BCORL1: variants seen among roughly 807,000 people sequenced by gnomAD.
BCORL1 encodes the protein BCL6 corepressor like 1.
In BCORL1, 7 loss-of-function variants were observed where a neutral mutation model predicts 87.6. That is an observed-to-expected ratio of 0.08 (90% confidence interval 0.05 to 0.15). The LOEUF (loss-of-function observed/expected upper bound fraction) is 0.15. BCORL1 is among the 10% of genes least tolerant of loss of function. The pLI, the probability that BCORL1 is intolerant of heterozygous loss-of-function variation, is 1.00. For synonymous variants in BCORL1, 591 were observed against 634.4 expected, an observed-to-expected ratio of 0.93 and a Z score of 1.03; for missense variants, 1,215 against 1,499.7, an observed-to-expected ratio of 0.81 and a Z score of 3.13.
intron 1 of BCORL1, among the ~76,000 whole-genome samples, chrX:130,001,146 A>G (rs1928016083): frequency 9.1e-6 from 1 of 110,226 alleles, no homozygotes. Flanking sequence ...GCTGGAGTGC[A>G]ATGGTGCGAT....
chrX:130,009,901 T>TC (rs1569364397), intron 2 of BCORL1, among the ~76,000 whole-genome samples: 1 of 111,107 alleles, frequency 9.0e-6, no homozygotes, highest in Non-Finnish European at 1.9e-5. Context: ...CCGGGCCCCC[T>TC]CCCCTGCAAG....
Position 130,014,420 on chromosome X carries a change from G to A in BCORL1, c.1648G>A (p.Asp550Asn), listed in dbSNP as rs1188498233. 8.3e-7 allele frequency: 1 copy of A among 1,211,642 alleles called. No individual in the cohort carries two copies. Among genetic ancestry groups the A allele is most frequent in the East Asian group, 3.0e-5 (1 of 33,827 alleles). Residue 550 changes from aspartate (D) to asparagine (N), a missense_variant, in exon 4 of 14, where the codon GAT becomes AAT. Physicochemically the swap from Asp to Asn is conservative, Grantham distance 23. Coordinates refer to ENST00000540052, the MANE Select transcript of BCORL1 (RefSeq NM_001379451.1). ...CGATGGGGTCCCTGGGCCTTTGGCA[G>A]ATACCTCCCTTGTTACTGCTTCTGC... Reference protein sequence around the residue: ...APDGVPGPLADTSLVTASAKV... With the variant: ...APDGVPGPLANTSLVTASAKV...
intron 2 of BCORL1, among the ~76,000 whole-genome samples, chrX:130,009,060 C>A (rs775550991): frequency 8.9e-6 from 1 of 112,116 alleles, no homozygotes; most frequent in East Asian, 2.8e-4. Context: ...GATTGACAAA[C>A]CTCCTGGTGG....
At chrX:130,044,071 A>G (rs1931582895) in intron 11 of BCORL1, among the ~76,000 whole-genome samples, 1 of 94,516 alleles carries the variant, frequency 1.1e-5, no homozygotes, top group Admixed American at 1.2e-4. Flanking sequence ...ACGCCTGGAC[A>G]TTTGTTGTAT....
intron 4 of BCORL1, 85 bp from the exon 5 acceptor site, chrX:130,020,900 A>G (rs1396672479): frequency 2.9e-6 from 3 of 1,024,209 alleles, no homozygotes; most frequent in Admixed American, 4.2e-5. Context: ...CCTCTAGGTC[A>G]GAAACGGGAC....
In BCORL1 at chrX:130,045,006, G is replaced by T. The variant is rs917070707; in HGVS notation, c.4841-5711G>T. ...CACTCCTTTATTCATTCGTTCATCCGTCCATTTAGTGAGCACCTATTAGAT... is the reference window on the plus strand; with the variant it reads ...CACTCCTTTATTCATTCGTTCATCCTTCCATTTAGTGAGCACCTATTAGAT... On this transcript the variant is annotated intron_variant, in intron 11 of 13. Transcript: ENST00000540052. 6.3e-5 allele frequency among the ~76,000 whole-genome samples: 7 copies of T among 111,986 alleles called. No individual in the cohort carries two copies. The Admixed American group carries it at 6.6e-4, about 11-fold the overall frequency.
At chrX:130,037,342 C>A in intron 9 of BCORL1, 25 bp from the exon 10 acceptor site, 1 of 1,204,243 alleles carries the variant, frequency 8.3e-7, no homozygotes, top group Non-Finnish European at 1.1e-6. Flanking sequence ...TCTCTTTGCT[C>A]ATGGAGTTGT....
rs761729719 is a variant in BCORL1, at chrX:130,014,462, C to G, written c.1690C>G (p.Pro564Ala). The change falls in exon 4 of 14, where the codon CCA (proline) becomes GCA (alanine). Residue 564 changes from proline (P) to alanine (A), a missense_variant. Pro to Ala is a conservative substitution (Grantham distance 27). Coordinates refer to ENST00000540052, the MANE Select transcript of BCORL1 (RefSeq NM_001379451.1). ...VTASAKVLPT[P>A]QPLLPAPSGS... Reference sequence around the variant, plus strand: ...TGCTTCTGCCAAGGTGCTTCCAACTCCACAGCCTCTGCTGCCAGCCCCCAG... The same window carrying G: ...TGCTTCTGCCAAGGTGCTTCCAACTGCACAGCCTCTGCTGCCAGCCCCCAG... 1.7e-6 allele frequency: 2 copies of G among 1,209,432 alleles called. No homozygotes were observed. Among genetic ancestry groups the G allele is most frequent in the Admixed American group, 4.4e-5 (2 of 45,740 alleles).
chrX:130,020,736 C>T (rs750412779), intron 4 of BCORL1, among the ~76,000 whole-genome samples: 11 of 111,658 alleles, frequency 9.9e-5, no homozygotes, highest in Admixed American at 2.9e-4. Context: ...GGCTTTTGAA[C>T]GCAGACTCTG....
rs1249318450 is a variant in BCORL1 at position 130,039,356 on chromosome X, C to G, written c.4840+74C>G. ...ATTCCTGAACTTGTGAGGACATCCT[C>G]TTCATCTCCTTCCACCTTGAACAGC... On this transcript the variant is annotated intron_variant, in intron 11 of 13. Coordinates refer to ENST00000540052, the MANE Select transcript of BCORL1 (RefSeq NM_001379451.1). 1.5e-5 allele frequency: 17 copies of G among 1,124,043 alleles called. No individual in the cohort carries two copies. In the East Asian group the frequency reaches 4.5e-4, roughly 30 times the overall value. The allele number at this position is 1,124,043 out of a possible 1,213,427, so 92.6% of individuals were successfully genotyped here.
At chrX:130,024,198 G>C (rs1275700716) in intron 6 of BCORL1, among the ~76,000 whole-genome samples, 1 of 111,772 alleles carries the variant, frequency 8.9e-6, no homozygotes, top group African/African-American at 3.3e-5. Flanking sequence ...GAGGAAGGCA[G>C]GAAAGGTACC....
Position 130,013,780 on chromosome X carries a change from G to A in BCORL1, c.1008G>A (p.Pro336=), listed in dbSNP as rs983611241. 6 of 1,171,273 alleles carry A rather than the reference G, an allele frequency of 5.1e-6. No individual in the cohort carries two copies. Among genetic ancestry groups the A allele is most frequent in the South Asian group, 3.8e-5 (2 of 53,098 alleles). ...PTLVLAPVPT[P]VLAPMPASTP... is the part of the protein sequence containing the mutation. ...TGGTTCTCGCTCCCGTCCCCACTCC[G>A]GTTCTGGCTCCCATGCCAGCATCCA... Residue 336 remains proline (P), a synonymous_variant, in exon 4 of 14, where the codon CCG becomes CCA. Transcript: ENST00000540052.
chrX:130,011,439 A>G (rs1197556134), intron 2 of BCORL1, among the ~76,000 whole-genome samples: 3 of 110,962 alleles, frequency 2.7e-5, no homozygotes, highest in East Asian at 2.8e-4. Context: ...GAGTTTTACC[A>G]TGATGGCCAG....
chrX:130,025,877 G>A (rs781266949), intron 7 of BCORL1, among the ~76,000 whole-genome samples: 1 of 111,127 alleles, frequency 9.0e-6, no homozygotes, highest in African/African-American at 3.3e-5. Context: ...GCACAGCATT[G>A]CTTTATCCGT....
chrX:130,003,618 G>T (rs893235165), intron 1 of BCORL1, among the ~76,000 whole-genome samples: 4 of 111,275 alleles, frequency 3.6e-5, no homozygotes, highest in African/African-American at 9.8e-5. Context: ...TGATCCACCT[G>T]CCTCGGCCTC....
intron 12 of BCORL1, among the ~76,000 whole-genome samples, chrX:130,051,051 T>A (rs2079617308): frequency 9.0e-6 from 1 of 111,657 alleles, no homozygotes; most frequent in Non-Finnish European, 1.9e-5. Flanking sequence ...TCTTCCGAGG[T>A]CCCTTTCTTC....
chrX:129,980,475 C>T (rs1296484116), upstream of BCORL1, among the ~76,000 whole-genome samples: 1 of 111,790 alleles, frequency 8.9e-6, no homozygotes, highest in African/African-American at 3.2e-5. Context: ...AACTTGCTTC[C>T]CGCGGCCCCC....
chrX:130,021,702 G>C (rs966537519), intron 5 of BCORL1, among the ~76,000 whole-genome samples: 1 of 111,592 alleles, frequency 9.0e-6, no homozygotes, highest in Non-Finnish European at 1.9e-5. Context: ...TTATCAGGGA[G>C]AGAATCCCCA....
chrX:129,991,009 T>C (rs1170920025), intron 1 of BCORL1, among the ~76,000 whole-genome samples: 2 of 111,848 alleles, frequency 1.8e-5, no homozygotes, highest in African/African-American at 3.3e-5. Flanking sequence ...GATCTCGGCT[T>C]ACTGCAACCT....
Sources: allele counts gnomAD v4.1 joint callset (sites outside exome capture counted in the v4.1 genomes callset), GRCh38; gene constraint gnomAD v4.1.1; transcripts MANE v1.5; gene names NCBI Gene and HGNC (gene_info 2026-07-23, HGNC 2026-07-21).